Variants in MDN1 observed in about 807,000 individuals in gnomAD.
MDN1 encodes midasin AAA ATPase 1.
MDN1 carries 266 observed loss-of-function variants against 669.2 expected under a neutral mutation model. The observed-to-expected ratio is 0.40, with a 90% CI of 0.36 to 0.44. The LOEUF is 0.44. MDN1 is among the 20% of genes least tolerant of loss of function. The probability of loss-of-function intolerance (pLI) is 1.00; values close to 1 mark genes in which losing one functional copy is unlikely to be tolerated. For synonymous variants in MDN1, 2,385 were observed against 2,457.1 expected (o/e 0.97, Z 0.87); for missense variants, 5,940 against 6,754.0 (o/e 0.88, Z 4.22).
intron 83 of MDN1, among the ~76,000 whole-genome samples, chr6:89,670,176 T>A (rs1178334835): frequency 3.0e-4 from 21 of 70,268 alleles, no homozygotes; most frequent in African/African-American, 7.9e-4. Flanking sequence ...ATATATTTTT[T>A]TTTTTTTTTT....
In MDN1 at chr6:89,740,107, T is replaced by C; in HGVS notation, c.4593+127A>G. The C allele has an allele frequency of 1.0e-5, 11 of 1,075,952 alleles. No individual in the cohort carries two copies. The South Asian group carries it at 1.8e-4, about 18-fold the overall frequency. The allele number at this position is 1,075,952 out of a possible 1,614,324, so 66.7% of individuals were successfully genotyped here. On this transcript the variant is annotated intron_variant, in intron 32 of 101. Coordinates refer to ENST00000369393, the MANE Select transcript of MDN1 (RefSeq NM_014611.3). The stretch of plus-strand genomic sequence containing the variant: ...TAATTATTTTAAAATATTTTTGAGT[T>C]TTTACACTTTTTACCCACTTTTTAC...
At position 89,725,356 on chromosome 6, in the gene MDN1, G is replaced by C. The variant is rs1201205284; in HGVS notation, c.5513C>G (p.Ala1838Gly). Residue 1838 changes from alanine (A) to glycine (G), a missense_variant, in exon 38 of 102, where the codon GCT becomes GGT. Transcript: ENST00000369393. ...ASQSVLEGLN[A>G]CFDHRGEIYV... Reference sequence around the variant, plus strand: ...GATTTCTCCTCGGTGGTCAAAACAAGCATTGAGTCCTTCCAATACAGACTG... The same window carrying C: ...GATTTCTCCTCGGTGGTCAAAACAACCATTGAGTCCTTCCAATACAGACTG... 2.5e-6 allele frequency: 4 copies of C among 1,613,738 alleles called. 1 individual carries two copies. The East Asian group carries it at 8.9e-5, about 36-fold the overall frequency.
Position 89,793,830 on chromosome 6 carries a change from G to T in MDN1, c.787C>A (p.Leu263Ile). The part of the protein sequence containing the change: ...YLQGHLVSSD[L>I]SPRVTAVCGV... ...CAAACAGCTGTCACCCTAGGGGAGA[G>T]GTCAGACGAAACAAGATGTCCCTGT... The change falls in exon 5 of 102, where the codon CTC becomes ATC. Residue 263 changes from leucine to isoleucine, a missense_variant. Leu to Ile is a conservative substitution (Grantham distance 5). Coordinates refer to ENST00000369393, the MANE Select transcript of MDN1 (RefSeq NM_014611.3). 6.2e-7 allele frequency: 1 copy of T among 1,614,132 alleles called. No individual in the cohort carries two copies. The highest frequency in any genetic ancestry group is 8.5e-7 in the Non-Finnish European group (1 of 1,180,038).
chr6:89,713,847 G>A (rs1814129067), intron 46 of MDN1, among the ~76,000 whole-genome samples: 1 of 151,794 alleles, frequency 6.6e-6, no homozygotes, highest in Non-Finnish European at 1.5e-5. Context: ...AGGAGATTGA[G>A]ACCACAGTGA....
At chr6:89,780,355 G>T (rs1818603702) in intron 10 of MDN1, 62 bp from the exon 11 acceptor site, 1 of 1,079,378 alleles carries the variant, frequency 9.3e-7, no homozygotes, top group Non-Finnish European at 1.3e-6. Context: ...GACATCAAAG[G>T]CATCAGAATT....
chr6:89,764,924 C>A (rs1409860262), intron 15 of MDN1, among the ~76,000 whole-genome samples: 1 of 152,056 alleles, frequency 6.6e-6, no homozygotes, highest in East Asian at 1.9e-4. Flanking sequence ...AGAGTGAGAC[C>A]AGACTGGGTT....
Position 89,727,951 on chromosome 6 carries a change from A to T in MDN1, c.5354T>A (p.Ile1785Asn), listed in dbSNP as rs752105464. ...VRINLSEQTD[I>N]TDLFGADLPV... ...TAGATCTGCTCCAAACAGGTCTGTGATGTCCTTTGAAAGGGGAAGAAATGG... is the reference window on the plus strand; with the variant it reads ...TAGATCTGCTCCAAACAGGTCTGTGTTGTCCTTTGAAAGGGGAAGAAATGG... The change falls in exon 37 of 102, where the codon ATC becomes AAC. Residue 1785 changes from isoleucine to asparagine, a missense_variant. Physicochemically the swap from Ile to Asn is moderately radical, Grantham distance 149. Around this residue, in one of 5 missense-constraint regions of MDN1, gnomAD observed 2,292 missense variants for 2,638.3 expected, o/e 0.87. Coordinates refer to ENST00000369393, the MANE Select transcript of MDN1 (RefSeq NM_014611.3). 4.4e-6 allele frequency: 7 copies of T among 1,608,012 alleles called. No homozygotes were observed. In the South Asian group the frequency reaches 7.8e-5, roughly 18 times the overall value.
intron 1 of MDN1, among the ~76,000 whole-genome samples, chr6:89,809,215 CAAAAAAAAAAAA>C (rs1167270500): frequency 1.7e-5 from 1 of 59,296 alleles, no homozygotes; most frequent in Non-Finnish European, 3.1e-5. Flanking sequence ...GACACTGTCT[CAAAAAAAAAAAA>C]AAAAAAAAAA....
chr6:89,783,321 A>G (rs939963519), intron 9 of MDN1, among the ~76,000 whole-genome samples: 1 of 152,120 alleles, frequency 6.6e-6, no homozygotes, highest in African/African-American at 2.4e-5. Context: ...TGCCTGTCTT[A>G]TGCGGTTAAG....
At position 89,745,639 on chromosome 6, in the gene MDN1, G is replaced by A. The variant is rs1379174814; in HGVS notation, c.3905-13C>T. On this transcript the variant is annotated splice_polypyrimidine_tract_variant and intron_variant, in intron 27 of 101. Coordinates refer to ENST00000369393, the MANE Select transcript of MDN1 (RefSeq NM_014611.3). ...AGAAGCATATAACCTGGGAGGAGGA[G>A]GAGGAAAAGGAGGAGAGGAATCATC... The A allele has an allele frequency of 4.3e-6, 7 of 1,610,422 alleles. No homozygotes were observed. The African/African-American group carries it at 8.0e-5, about 18-fold the overall frequency.
chr6:89,712,589 G>C lies in MDN1; in HGVS notation c.7416C>G (p.Thr2472=). The C allele has an allele frequency of 3.7e-6, 6 of 1,614,020 alleles. No homozygotes were observed. The highest frequency in any genetic ancestry group is 5.1e-6 in the Non-Finnish European group (6 of 1,179,956). ...VYCLNRMSMK[T]SSWTRSQPFT... is the part of the protein sequence containing the mutation. The stretch of plus-strand genomic sequence containing the variant: ...GCTCCACTGACCTTGTCCAGCTGCT[G>C]GTTTTCATGCTCATCCTGTTGAGAC... Residue 2472 remains threonine (T), a synonymous_variant, in exon 48 of 102, where the codon ACC becomes ACG. Transcript: ENST00000369393.
intron 70 of MDN1, 105 bp downstream of exon 70, chr6:89,685,722 G>C: frequency 8.1e-7 from 1 of 1,237,650 alleles, no homozygotes; most frequent in Non-Finnish European, 1.1e-6. Context: ...AATGTGTCTT[G>C]TTTAAAACCT....
chr6:89,733,554 C>CTA (rs200853627), intron 33 of MDN1, among the ~76,000 whole-genome samples: 676 of 149,222 alleles, frequency 4.5e-3, no homozygotes, highest in Non-Finnish European at 4.8e-3. Flanking sequence ...CCTCCAAAAG[C>CTA]TATATATATA....
intron 12 of MDN1, among the ~76,000 whole-genome samples, chr6:89,776,322 G>A (rs1374189317): frequency 6.6e-6 from 1 of 152,130 alleles, no homozygotes; most frequent in African/African-American, 2.4e-5. Context: ...TTAGCTGGGT[G>A]TGGTGGCACA....
intron 35 of MDN1, among the ~76,000 whole-genome samples, chr6:89,729,820 T>G (rs767780330): frequency 4.6e-5 from 7 of 151,584 alleles, no homozygotes; most frequent in Non-Finnish European, 1.0e-4. Context: ...GAGCACTGAG[T>G]CCTATGATGG....
rs1160271983 is a variant in MDN1 at position 89,643,790 on chromosome 6, G to A, written c.*215C>T. On this transcript the variant is annotated 3_prime_UTR_variant, in exon 102 of 102. Coordinates refer to ENST00000369393, the MANE Select transcript of MDN1 (RefSeq NM_014611.3). The stretch of plus-strand genomic sequence containing the variant: ...AGAAGGATAACTCTTCTCTAGTTAC[G>A]AGTTCAGGCACCTGCTGCTGCTTCC... The A allele has an allele frequency of 4.5e-6, 2 of 443,454 alleles. No homozygotes were observed. Among genetic ancestry groups the A allele is most frequent in the Non-Finnish European group, 7.9e-6 (2 of 253,722 alleles). The allele number at this position is 443,454 out of a possible 1,614,324, so 27.5% of individuals were successfully genotyped here. A position where few individuals can be genotyped will look rare whatever the true frequency, so the allele number is the denominator to read the frequency against.
At chr6:89,732,486 C>T (rs970031991) in intron 34 of MDN1, 71 bp downstream of exon 34, 2 of 1,323,944 alleles carry the variant, frequency 1.5e-6, no homozygotes, top group Non-Finnish European at 2.1e-6. Context: ...GGGTCAGAGG[C>T]CTGGGCTTGC....
At chr6:89,701,466 T>C in intron 55 of MDN1, 92 bp downstream of exon 55, 2 of 1,475,410 alleles carry the variant, frequency 1.4e-6, no homozygotes, top group East Asian at 2.3e-5. Flanking sequence ...AAGACAAGGA[T>C]TAATCTTATA....
intron 5 of MDN1, among the ~76,000 whole-genome samples, chr6:89,792,113 C>CT: frequency 6.6e-6 from 1 of 151,874 alleles, no homozygotes; most frequent in Non-Finnish European, 1.5e-5. Flanking sequence ...CGTGATCTGC[C>CT]CGCCTCGGCC....
Sources: gnomAD v4.1 joint callset for allele counts (sites outside exome capture counted in the v4.1 genomes callset) on GRCh38, gnomAD v4.1.1 for gene constraint, gnomAD v4.1.1 regional missense constraint, MANE v1.5 for transcripts, NCBI Gene and HGNC (gene_info 2026-07-23, HGNC 2026-07-21) for gene names.